ZNF254: variants seen among roughly 807,000 people sequenced by gnomAD.
ZNF254 encodes CTD-2017D11.1.
A neutral mutation model predicts 12.4 loss-of-function variants in ZNF254; 10 were observed. The ratio of observed to expected loss-of-function variants is 0.80; its 90% confidence interval spans 0.50 to 1.36. The LOEUF (loss-of-function observed/expected upper bound fraction) is 1.36, where lower values mean the gene tolerates loss of function less well. Among genes scored for constraint, ZNF254 ranks in the 40% most tolerant of loss-of-function variants. The pLI, the probability that ZNF254 is intolerant of heterozygous loss-of-function variation, is 0.00. For synonymous variants in ZNF254, 305 were observed against 253.4 expected, an observed-to-expected ratio of 1.20 and a Z score of -1.93; for missense variants, 996 against 763.9, an observed-to-expected ratio of 1.30 and a Z score of -3.58.
chr19:24,093,778 T>C, intron 1 of ZNF254, among the ~76,000 whole-genome samples: 1 of 152,120 alleles, frequency 6.6e-6, no homozygotes, highest in South Asian at 2.1e-4. Context: ...GACTCTTTGG[T>C]TTTATATGAA....
intron 3 of ZNF254, among the ~76,000 whole-genome samples, chr19:24,122,528 A>G (rs73021446): frequency 0.085 from 12,962 of 152,002 alleles, 739 homozygotes; most frequent in Non-Finnish European, 0.13. Context: ...CCTGGCCCCA[A>G]TTTTTTCTGT....
intron 2 of ZNF254, among the ~76,000 whole-genome samples, chr19:24,046,934 G>A (rs979051844): frequency 6.9e-6 from 1 of 145,746 alleles, no homozygotes; most frequent in African/African-American, 2.5e-5. Context: ...GTGCAATCTT[G>A]GCTCACTGCA....
chr19:24,059,354 A>G (rs1157845136), intron 2 of ZNF254, among the ~76,000 whole-genome samples: 1 of 152,136 alleles, frequency 6.6e-6, no homozygotes, highest in East Asian at 1.9e-4. Context: ...GTGGCCCAGA[A>G]CTTACTTGAT....
chr19:24,126,744 G>A lies in ZNF254; in HGVS notation c.744G>A (p.Lys248=), dbSNP rs770374656. ...YKCEEYNKSP[K]QLSTLTTHEI... Reference sequence around the variant, plus strand: ...GTGAAGAATATAACAAATCTCCTAAGCAACTCTCAACCCTTACTACACATG... The same window carrying A: ...GTGAAGAATATAACAAATCTCCTAAACAACTCTCAACCCTTACTACACATG... The change falls in exon 4 of 4, where the codon AAG becomes AAA. Residue 248 remains lysine, a synonymous_variant. Transcript: ENST00000357002. 9.3e-6 allele frequency: 15 copies of A among 1,613,182 alleles called. No individual in the cohort carries two copies. The East Asian group carries it at 2.0e-4, about 22-fold the overall frequency.
chr19:24,120,531 A>G (rs1974406065), intron 3 of ZNF254, among the ~76,000 whole-genome samples: 1 of 152,138 alleles, frequency 6.6e-6, no homozygotes, highest in African/African-American at 2.4e-5. Flanking sequence ...CATCATTATG[A>G]TAGTAAAGAT....
At chr19:24,040,112 C>T (rs1022610123) in intron 1 of ZNF254, among the ~76,000 whole-genome samples, 1 of 152,164 alleles carries the variant, frequency 6.6e-6, no homozygotes, top group Non-Finnish European at 1.5e-5. Flanking sequence ...CAACTCCCTG[C>T]CCCAGCCCTA....
chr19:24,042,031 C>G lies in ZNF254; in HGVS notation c.-189-4153C>G, dbSNP rs866864935. Among the ~76,000 whole-genome samples, 82 of 137,288 alleles carry G rather than the reference C, an allele frequency of 6.0e-4. 3 individuals carry two copies. The highest frequency in any genetic ancestry group is 1.3e-3 in the Admixed American group (19 of 14,278). 90.1% of individuals were successfully genotyped at this position (137,288 alleles called of 152,430 possible). On this transcript the variant is annotated intron_variant, in intron 1 of 4. Transcript: ENST00000613065. ...CTGTATCTAGCTGCTCTGGTGAGGACGTGGAGAACATTTATGTGTAGCTCA... is the reference window on the plus strand; with the variant it reads ...CTGTATCTAGCTGCTCTGGTGAGGAGGTGGAGAACATTTATGTGTAGCTCA...
chr19:24,126,792 A>G lies in ZNF254; in HGVS notation c.792A>G (p.Lys264=), dbSNP rs1326301401. 1.9e-6 allele frequency: 3 copies of G among 1,613,116 alleles called. No individual in the cohort carries two copies. Among genetic ancestry groups the G allele is most frequent in the Middle Eastern group, 1.6e-4 (1 of 6,074 alleles). Residue 264 remains lysine (K), a synonymous_variant, in exon 4 of 4, where the codon AAA becomes AAG. Coordinates refer to ENST00000357002, the MANE Select transcript of ZNF254 (RefSeq NM_203282.4). ...TTHEIIHAGE[K]LYKCEECGEA... ...ATGAAATAATTCATGCTGGAGAGAA[A>G]CTCTACAAATGTGAAGAATGTGGTG...
upstream of ZNF254, among the ~76,000 whole-genome samples, chr19:24,085,838 G>T (rs1176801182): frequency 1.3e-5 from 2 of 151,998 alleles, no homozygotes; most frequent in Non-Finnish European, 2.9e-5. Context: ...GAAACATTTT[G>T]TCTACTTTGA....
intron 3 of ZNF254, among the ~76,000 whole-genome samples, chr19:24,112,648 C>T (rs1054432116): frequency 1.3e-4 from 19 of 151,674 alleles, no homozygotes; most frequent in African/African-American, 2.7e-4. Context: ...TGTAGTTCTC[C>T]TTGAAGAGGT....
intron 2 of ZNF254, chr19:24,049,496 C>G (rs1970565370): frequency 3.3e-5 from 5 of 152,090 alleles, no homozygotes; most frequent in Admixed American, 2.0e-4. Context: ...TTGCTCCCGC[C>G]TGAGCCCAGC....
At chr19:24,033,781 G>C (rs538648920) in intron 1 of ZNF254, among the ~76,000 whole-genome samples, 31 of 152,282 alleles carry the variant, frequency 2.0e-4, no homozygotes, top group Non-Finnish European at 3.4e-4. Flanking sequence ...GCCCGCAGCC[G>C]GGATCCCCGC....
At chr19:24,091,051 C>G (rs1445169256) in intron 1 of ZNF254, among the ~76,000 whole-genome samples, 1 of 148,072 alleles carries the variant, frequency 6.8e-6, no homozygotes, top group African/African-American at 2.5e-5. Flanking sequence ...CGGGTTCGAG[C>G]AATTCTCCTG....
In ZNF254 at chr19:24,108,393, A is replaced by G. The variant is rs916142845; in HGVS notation, c.253+1750A>G. On this transcript the variant is annotated intron_variant, in intron 3 of 3. Coordinates refer to ENST00000357002, the MANE Select transcript of ZNF254 (RefSeq NM_203282.4). ...CTTTAGCCAAAAACAGTAGTTCTGT[A>G]GTTTGCCACCTGAATGAGGACCTGC... is the stretch of plus-strand genomic sequence containing the variant. Among the ~76,000 whole-genome samples, 5 of 152,230 alleles carry G rather than the reference A, an allele frequency of 3.3e-5. 1 individual carries two copies. The highest frequency in any genetic ancestry group is 3.3e-4 in the Admixed American group (5 of 15,282).
At chr19:24,040,956 G>C (rs571292736) in intron 1 of ZNF254, among the ~76,000 whole-genome samples, 1 of 152,152 alleles carries the variant, frequency 6.6e-6, no homozygotes, top group Admixed American at 6.6e-5. Flanking sequence ...GGGAACTTTC[G>C]ATAAAGAAGC....
intron 2 of ZNF254, among the ~76,000 whole-genome samples, chr19:24,071,155 C>T (rs936591644): frequency 2.0e-5 from 3 of 152,124 alleles, no homozygotes; most frequent in Non-Finnish European, 4.4e-5. Flanking sequence ...AGAAGGCCCC[C>T]TACTCTCGAC....
intron 2 of ZNF254, among the ~76,000 whole-genome samples, chr19:24,077,928 G>T (rs1971715578): frequency 6.6e-6 from 1 of 152,172 alleles, no homozygotes; most frequent in Non-Finnish European, 1.5e-5. Flanking sequence ...CAGCAAGGAG[G>T]TGAAAATAAA....
chr19:24,083,076 C>T (rs1479280395), upstream of ZNF254, among the ~76,000 whole-genome samples: 1 of 152,040 alleles, frequency 6.6e-6, no homozygotes, highest in East Asian at 1.9e-4. Context: ...ACCCTAAATA[C>T]TCATAAAAAA....
At chr19:24,117,071 G>A (rs958140179) in intron 3 of ZNF254, among the ~76,000 whole-genome samples, 2 of 152,118 alleles carry the variant, frequency 1.3e-5, no homozygotes, top group Admixed American at 6.5e-5. Context: ...TCTCAGAGGA[G>A]TACCCAGCCA....
Sources: gnomAD v4.1 joint callset for allele counts (sites outside exome capture counted in the v4.1 genomes callset) on GRCh38, gnomAD v4.1.1 for gene constraint, MANE v1.5 for transcripts, NCBI Gene and HGNC (gene_info 2026-07-23, HGNC 2026-07-21) for gene names.